Variants in HTR1E observed in about 807,000 individuals in gnomAD.
HTR1E encodes 5-HT-1E.
A neutral mutation model predicts 3.4 loss-of-function variants in HTR1E; 3 were observed. The observed-to-expected ratio is 0.89, with a 90% CI of 0.41 to 2.31. The LOEUF (loss-of-function observed/expected upper bound fraction) is 2.31. Ranked by LOEUF, HTR1E falls within the 30% of genes most tolerant of loss-of-function variation. The pLI, the probability that HTR1E is intolerant of heterozygous loss-of-function variation, is 0.05. For synonymous variants in HTR1E, 170 were observed against 182.8 expected (o/e 0.93, Z 0.56); for missense variants, 392 against 467.0 (o/e 0.84, Z 1.48).
intron 1 of HTR1E, among the ~76,000 whole-genome samples, chr6:86,956,762 G>A (rs917939615): frequency 5.3e-5 from 8 of 152,106 alleles, no homozygotes; most frequent in Non-Finnish European, 1.0e-4. Flanking sequence ...TGATTTTCTT[G>A]GTCAGAGCTG....
At chr6:86,985,529 G>A (rs970647825) in intron 1 of HTR1E, among the ~76,000 whole-genome samples, 1 of 152,100 alleles carries the variant, frequency 6.6e-6, no homozygotes, top group Non-Finnish European at 1.5e-5. Context: ...TGGAATTTGA[G>A]TGCCTTAGAA....
intron 1 of HTR1E, among the ~76,000 whole-genome samples, chr6:87,003,107 G>T (rs1206331590): frequency 6.6e-6 from 1 of 152,120 alleles, no homozygotes; most frequent in East Asian, 1.9e-4. Context: ...CAAAAAAATT[G>T]AAATGATATC....
At chr6:86,983,557 T>A (rs1767741726) in intron 1 of HTR1E, among the ~76,000 whole-genome samples, 1 of 152,136 alleles carries the variant, frequency 6.6e-6, no homozygotes, top group Admixed American at 6.5e-5. Context: ...GGTTAATGGG[T>A]ACAAAAATAC....
At chr6:86,947,703 C>T (rs1767141119) in intron 1 of HTR1E, among the ~76,000 whole-genome samples, 1 of 151,960 alleles carries the variant, frequency 6.6e-6, no homozygotes, top group Non-Finnish European at 1.5e-5. Flanking sequence ...CTCTAATTAA[C>T]ATTATTTTTT....
At chr6:86,974,815 T>C (rs1196200211) in intron 1 of HTR1E, among the ~76,000 whole-genome samples, 1 of 152,212 alleles carries the variant, frequency 6.6e-6, no homozygotes, top group African/African-American at 2.4e-5. Flanking sequence ...TTACTATCAT[T>C]ATTTATTTTT....
At chr6:87,009,472 G>C (rs1325141368) in intron 1 of HTR1E, among the ~76,000 whole-genome samples, 1 of 151,814 alleles carries the variant, frequency 6.6e-6, no homozygotes, top group South Asian at 2.1e-4. Flanking sequence ...TCTCCACACA[G>C]ACACGGCAAC....
chr6:86,986,087 A>T (rs545460230), intron 1 of HTR1E, among the ~76,000 whole-genome samples: 61 of 152,328 alleles, frequency 4.0e-4, no homozygotes, highest in Admixed American at 1.4e-3. Flanking sequence ...TTCACCTCAG[A>T]AAACTGTCAT....
intron 1 of HTR1E, among the ~76,000 whole-genome samples, chr6:86,962,904 T>TA: frequency 6.6e-6 from 1 of 152,274 alleles, no homozygotes; most frequent in East Asian, 1.9e-4. Context: ...TAGTACATAA[T>TA]ACGTGATCTC....
intron 1 of HTR1E, among the ~76,000 whole-genome samples, chr6:86,939,944 C>T (rs1007981828): frequency 3.9e-5 from 6 of 152,154 alleles, no homozygotes; most frequent in African/African-American, 7.2e-5. Context: ...TTCTTCTTAT[C>T]GATGCCTGGT....
At chr6:86,945,473 C>T (rs1031342732) in intron 1 of HTR1E, among the ~76,000 whole-genome samples, 1 of 151,994 alleles carries the variant, frequency 6.6e-6, no homozygotes, top group Non-Finnish European at 1.5e-5. Flanking sequence ...GAACCCCCGA[C>T]CTCAAATGAT....
intron 1 of HTR1E, among the ~76,000 whole-genome samples, chr6:86,973,514 G>A (rs994878375): frequency 6.6e-6 from 1 of 152,148 alleles, no homozygotes; most frequent in African/African-American, 2.4e-5. Flanking sequence ...ATAGAGCACT[G>A]TAACCACAAA....
At chr6:86,994,738 T>C (rs902160161) in intron 1 of HTR1E, among the ~76,000 whole-genome samples, 2 of 152,162 alleles carry the variant, frequency 1.3e-5, no homozygotes, top group African/African-American at 4.8e-5. Context: ...TTTCCTCTTG[T>C]TTTCTAAATT....
intron 1 of HTR1E, chr6:87,000,100 C>T (rs577813700): frequency 1.1e-5 from 2 of 175,188 alleles, no homozygotes; most frequent in South Asian, 3.2e-4. Flanking sequence ...CTTATCAAGC[C>T]TCAGTACTTT....
chr6:86,968,248 G>GA (rs1224554091), intron 1 of HTR1E, among the ~76,000 whole-genome samples: 3 of 152,052 alleles, frequency 2.0e-5, no homozygotes, highest in Non-Finnish European at 4.4e-5. Flanking sequence ...TTTTGTTTCT[G>GA]AAAAATTCTG....
intron 1 of HTR1E, among the ~76,000 whole-genome samples, chr6:87,005,302 C>G (rs372253647): frequency 2.6e-4 from 39 of 152,198 alleles, no homozygotes; most frequent in African/African-American, 7.9e-4. Context: ...GCAATAAGAA[C>G]AAAACTGGAC....
At chr6:86,956,245 C>T (rs1030655683) in intron 1 of HTR1E, among the ~76,000 whole-genome samples, 10 of 152,106 alleles carry the variant, frequency 6.6e-5, no homozygotes, top group Admixed American at 6.6e-4. Context: ...CTTCCCTTTC[C>T]AGGTCTTTTT....
intron 1 of HTR1E, among the ~76,000 whole-genome samples, chr6:86,983,157 TG>T (rs376260271): frequency 1.3e-3 from 194 of 152,366 alleles, no homozygotes; most frequent in African/African-American, 4.5e-3. Context: ...ATTTACAATT[TG>T]TAACACAGAG....
intron 1 of HTR1E, among the ~76,000 whole-genome samples, chr6:87,008,825 C>G (rs1436924400): frequency 6.6e-6 from 1 of 152,112 alleles, no homozygotes; most frequent in Non-Finnish European, 1.5e-5. Flanking sequence ...ATGATCACCC[C>G]TGCAAACCAC....
At chr6:86,968,815 T>C (rs1411046920) in intron 1 of HTR1E, among the ~76,000 whole-genome samples, 1 of 152,152 alleles carries the variant, frequency 6.6e-6, no homozygotes, top group African/African-American at 2.4e-5. Flanking sequence ...ACTTAGTGTA[T>C]TAATCAATCT....
Sources: allele counts gnomAD v4.1 joint callset (sites outside exome capture counted in the v4.1 genomes callset), GRCh38; gene constraint gnomAD v4.1.1; transcripts MANE v1.5; gene names NCBI Gene and HGNC (gene_info 2026-07-23, HGNC 2026-07-21).